PPARGC1A: variants seen among roughly 807,000 people sequenced by gnomAD.
PPARGC1A encodes PPARG coactivator 1 alpha.
A neutral mutation model predicts 88.7 loss-of-function variants in PPARGC1A; 25 were observed. The observed-to-expected ratio is 0.28, with a 90% CI of 0.21 to 0.39. PPARGC1A has a LOEUF of 0.39. PPARGC1A is among the 10% of genes least tolerant of loss of function. The pLI, the probability that PPARGC1A is intolerant of heterozygous loss-of-function variation, is 1.00. For synonymous variants in PPARGC1A, 363 were observed against 355.6 expected (o/e 1.02, Z -0.24); for missense variants, 880 against 968.7 (o/e 0.91, Z 1.22).
At chr4:24,200,035 A>T in the PPARGC1A span, among the ~76,000 whole-genome samples, 3 of 152,214 alleles carry the variant, frequency 2.0e-5, no homozygotes, top group Admixed American at 2.0e-4. Context: ...ACTACAGAGT[A>T]GTTAAAATGG....
At chr4:23,837,685 G>C (rs2148587548) in intron 2 of PPARGC1A, among the ~76,000 whole-genome samples, 1 of 152,310 alleles carries the variant, frequency 6.6e-6, no homozygotes, top group East Asian at 1.9e-4. Flanking sequence ...ATCTGGTAAT[G>C]TATTCCAAAG....
the PPARGC1A span, among the ~76,000 whole-genome samples, chr4:24,298,188 A>AG: frequency 6.6e-6 from 1 of 151,428 alleles, no homozygotes; most frequent in African/African-American, 2.4e-5. Context: ...TACCAAATGA[A>AG]AAAAAAAAAG....
the PPARGC1A span, among the ~76,000 whole-genome samples, chr4:23,941,518 G>A: frequency 6.6e-6 from 1 of 152,152 alleles, no homozygotes; most frequent in Non-Finnish European, 1.5e-5. Flanking sequence ...TTCTAAAATC[G>A]AAATAATGGC....
chr4:24,435,495 G>A, the PPARGC1A span, among the ~76,000 whole-genome samples: 1 of 152,096 alleles, frequency 6.6e-6, no homozygotes, highest in African/African-American at 2.4e-5. Flanking sequence ...TGGCTCCCTG[G>A]AGGAAGCTCT....
chr4:23,797,503 C>G (rs1002760236), intron 12 of PPARGC1A, among the ~76,000 whole-genome samples: 2 of 152,166 alleles, frequency 1.3e-5, no homozygotes, highest in African/African-American at 4.8e-5. Flanking sequence ...TACACACATA[C>G]CTTTCCTTGA....
chr4:23,946,674 TA>T, the PPARGC1A span, among the ~76,000 whole-genome samples: 1 of 152,120 alleles, frequency 6.6e-6, no homozygotes, highest in African/African-American at 2.4e-5. Context: ...TACCAAAGTG[TA>T]GCAGATTGTT....
At chr4:23,878,651 G>A (rs1021709308) in intron 2 of PPARGC1A, among the ~76,000 whole-genome samples, 1 of 152,110 alleles carries the variant, frequency 6.6e-6, no homozygotes, top group African/African-American at 2.4e-5. Context: ...CTTAAATGAG[G>A]TGTGTAGATG....
chr4:24,025,909 T>C, the PPARGC1A span, among the ~76,000 whole-genome samples: 1 of 152,162 alleles, frequency 6.6e-6, no homozygotes, highest in Non-Finnish European at 1.5e-5. Context: ...CCTAAGTTGC[T>C]ATTTCCCTGT....
chr4:24,074,822 G>T, the PPARGC1A span, among the ~76,000 whole-genome samples: 44 of 152,288 alleles, frequency 2.9e-4, 1 homozygote, highest in Middle Eastern at 3.4e-3. Context: ...TGCACAGAGA[G>T]AGATGTTTAG....
the PPARGC1A span, among the ~76,000 whole-genome samples, chr4:23,928,304 T>A: frequency 3.9e-5 from 6 of 152,140 alleles, no homozygotes; most frequent in Non-Finnish European, 7.4e-5. Context: ...TCTATTTCTC[T>A]TGTATCTCCA....
chr4:24,414,668 T>A, the PPARGC1A span, among the ~76,000 whole-genome samples: 36 of 152,348 alleles, frequency 2.4e-4, no homozygotes, highest in African/African-American at 7.9e-4. Flanking sequence ...GGTACTTTTT[T>A]AAAGCCCCCT....
At chr4:23,967,256 T>G in the PPARGC1A span, among the ~76,000 whole-genome samples, 5 of 152,264 alleles carry the variant, frequency 3.3e-5, no homozygotes, top group East Asian at 9.7e-4. Context: ...AATACCAAAT[T>G]AAAGCAATGA....
At chr4:24,243,563 C>T in the PPARGC1A span, among the ~76,000 whole-genome samples, 1 of 152,180 alleles carries the variant, frequency 6.6e-6, no homozygotes, top group South Asian at 2.1e-4. Flanking sequence ...AATTGCAACA[C>T]CCTCAGAAAG....
the PPARGC1A span, among the ~76,000 whole-genome samples, chr4:24,407,292 C>T: frequency 6.6e-6 from 1 of 152,174 alleles, no homozygotes; most frequent in Non-Finnish European, 1.5e-5. Context: ...ATAAAATTGT[C>T]ATTTCTGAGC....
intron 10 of PPARGC1A, among the ~76,000 whole-genome samples, chr4:23,804,230 A>G (rs1366591771): frequency 6.6e-6 from 1 of 152,068 alleles, no homozygotes; most frequent in African/African-American, 2.4e-5. Context: ...TTCTTTCCCA[A>G]TGTTCTTGTA....
chr4:24,425,259 C>CA, the PPARGC1A span, among the ~76,000 whole-genome samples: 1 of 152,168 alleles, frequency 6.6e-6, no homozygotes, highest in Non-Finnish European at 1.5e-5. Flanking sequence ...ATTATTGTCT[C>CA]AATAACTGGA....
At chr4:23,965,169 CT>C in the PPARGC1A span, among the ~76,000 whole-genome samples, 1 of 152,196 alleles carries the variant, frequency 6.6e-6, no homozygotes, top group Non-Finnish European at 1.5e-5. Context: ...TGAAGTTCTT[CT>C]GTATACTCCA....
the PPARGC1A span, among the ~76,000 whole-genome samples, chr4:24,459,688 G>A: frequency 5.3e-5 from 8 of 152,320 alleles, no homozygotes; most frequent in South Asian, 1.7e-3. Context: ...CACTCAGGAG[G>A]CTGAAGTGGG....
chr4:24,364,766 T>C, the PPARGC1A span, among the ~76,000 whole-genome samples: 5 of 152,162 alleles, frequency 3.3e-5, no homozygotes, highest in Admixed American at 6.5e-5. Context: ...CCCATATATA[T>C]GTATGCATTA....
Sources: allele counts gnomAD v4.1 joint callset (sites outside exome capture counted in the v4.1 genomes callset), GRCh38; gene constraint gnomAD v4.1.1; transcripts MANE v1.5; gene names NCBI Gene and HGNC (gene_info 2026-07-23, HGNC 2026-07-21).